Variants in ETV5 observed in about 807,000 individuals in gnomAD.
ETV5 encodes ETS translocation variant 5.
ETV5 carries 10 observed loss-of-function variants against 70.0 expected under a neutral mutation model. That is an observed-to-expected ratio of 0.14 (90% CI 0.09 to 0.24). The LOEUF is 0.24. Among genes scored for constraint, ETV5 ranks in the 10% least tolerant of loss-of-function variants. The probability of loss-of-function intolerance (pLI) is 1.00; values close to 1 mark genes in which losing one functional copy is unlikely to be tolerated. For missense variants in ETV5, 453 were observed against 651.2 expected (o/e 0.70, Z 3.31); for synonymous variants, 216 against 242.2 (o/e 0.89, Z 1.01).
At chr3:186,101,438 C>T (rs907189622) in intron 5 of ETV5, among the ~76,000 whole-genome samples, 1 of 151,518 alleles carries the variant, frequency 6.6e-6, no homozygotes, top group Admixed American at 6.6e-5. Flanking sequence ...CAGGTGTGAG[C>T]CTAAATATGT....
At chr3:186,088,370 T>A (rs1714106016) in intron 5 of ETV5, among the ~76,000 whole-genome samples, 1 of 152,208 alleles carries the variant, frequency 6.6e-6, no homozygotes, top group African/African-American at 2.4e-5. Context: ...ATGTGGAATG[T>A]ACACAAATAG....
intron 7 of ETV5, chr3:186,076,521 G>A (rs143581102): frequency 3.3e-5 from 6 of 182,526 alleles, no homozygotes; most frequent in African/African-American, 7.1e-5. Context: ...CAGGACTCCC[G>A]AGGGCAAGTG....
intron 7 of ETV5, among the ~76,000 whole-genome samples, chr3:186,071,535 G>C (rs1713634437): frequency 1.3e-5 from 2 of 152,218 alleles, no homozygotes; most frequent in Non-Finnish European, 2.9e-5. Flanking sequence ...AGGATACCTT[G>C]TAAAGATGAT....
rs1712901605 is a variant in ETV5, at chr3:186,047,234, A to C, written c.*1405T>G. On this transcript the variant is annotated 3_prime_UTR_variant, in exon 13 of 13. Coordinates refer to ENST00000306376, the MANE Select transcript of ETV5 (RefSeq NM_004454.3). ...CACATAGCTTTAGCTTGGTTGTTTA[A>C]AACTTTTCCAATATAATACAGCAAT... is the stretch of plus-strand genomic sequence containing the variant. The C allele has an allele frequency of 4.4e-6, 1 of 228,844 alleles. No homozygotes were observed. The highest frequency in any genetic ancestry group is 2.2e-5 in the African/African-American group (1 of 45,108). 14.2% of individuals were successfully genotyped at this position (228,844 alleles called of 1,614,324 possible).
intron 5 of ETV5, among the ~76,000 whole-genome samples, chr3:186,097,228 C>T (rs1488544181): frequency 7.0e-6 from 1 of 143,280 alleles, no homozygotes; most frequent in Non-Finnish European, 1.5e-5. Context: ...GAGGTTCCCC[C>T]ATTGCTCAGT....
rs1712910286 is a variant in ETV5, at chr3:186,047,577, C to T, written c.*1062G>A. The T allele has an allele frequency of 4.3e-6, 1 of 232,056 alleles. No individual in the cohort carries two copies. Among genetic ancestry groups the T allele is most frequent in the South Asian group, 1.8e-4 (1 of 5,532 alleles). 14.4% of individuals were successfully genotyped at this position (232,056 alleles called of 1,614,324 possible). Reference sequence around the variant, plus strand: ...ATACATAGAGAATCTAAGCTTGTGTCCAGGCTGCCCTGCACACTTCAAAAA... The same window carrying T: ...ATACATAGAGAATCTAAGCTTGTGTTCAGGCTGCCCTGCACACTTCAAAAA... On this transcript the variant is annotated 3_prime_UTR_variant, in exon 13 of 13. Transcript: ENST00000306376.
chr3:186,101,409 TC>T (rs1220453308), intron 5 of ETV5, among the ~76,000 whole-genome samples: 6 of 152,182 alleles, frequency 3.9e-5, no homozygotes, highest in Non-Finnish European at 7.3e-5. Context: ...CGACTTGGCC[TC>T]CTAAAGCACT....
chr3:186,082,428 CTTTTTTT>C (rs1003609474), intron 5 of ETV5, among the ~76,000 whole-genome samples: 15 of 139,726 alleles, frequency 1.1e-4, no homozygotes, highest in Non-Finnish European at 2.0e-4. Flanking sequence ...TCACTTTTCT[CTTTTTTT>C]TTTTTTTTTT....
At chr3:186,108,343 C>T in intron 1 of ETV5, 1 of 495,688 alleles carries the variant, frequency 2.0e-6, no homozygotes, top group Non-Finnish European at 3.8e-6. Flanking sequence ...CAGCCGGACG[C>T]CCTCAGCCTG....
At position 186,047,931 on chromosome 3, in the gene ETV5, C is replaced by T. The variant is rs926080173; in HGVS notation, c.*708G>A. On this transcript the variant is annotated 3_prime_UTR_variant, in exon 13 of 13. Transcript: ENST00000306376. ...AAATACTGTCAAAAGTGTTAATCGC[C>T]CTTCTCCTAAAATAAAAGTCATCCA... The T allele has an allele frequency of 4.3e-6, 1 of 233,376 alleles. No individual in the cohort carries two copies. The highest frequency in any genetic ancestry group is 8.5e-6 in the Non-Finnish European group (1 of 117,990). The allele number at this position is 233,376 out of a possible 1,614,324, so 14.5% of individuals were successfully genotyped here.
Position 186,048,526 on chromosome 3 carries a change from T to C in ETV5, c.*113A>G. 1.1e-6 allele frequency: 1 copy of C among 947,454 alleles called. No homozygotes were observed. The highest frequency in any genetic ancestry group is 1.6e-6 in the Non-Finnish European group (1 of 610,654). The allele number at this position is 947,454 out of a possible 1,614,324, so 58.7% of individuals were successfully genotyped here. A position where few individuals can be genotyped will look rare whatever the true frequency, so the allele number is the denominator to read the frequency against. On this transcript the variant is annotated 3_prime_UTR_variant, in exon 13 of 13. Coordinates refer to ENST00000306376, the MANE Select transcript of ETV5 (RefSeq NM_004454.3). ...GAGACAGCTTGGGTTCTCCAGATAA[T>C]ACTCAAAGGGCAAGCTTTAGGAACA...
In ETV5 at chr3:186,102,169, G is replaced by C. The variant is rs183428359; in HGVS notation, c.232+3136C>G. ...AGAAGTTGAACTTTTAGTGTTTAGA[G>C]AAAAAAAAAAGCCATAATCTTTAAA... On this transcript the variant is annotated intron_variant, in intron 5 of 12. Coordinates refer to ENST00000306376, the MANE Select transcript of ETV5 (RefSeq NM_004454.3). Among the ~76,000 whole-genome samples the C allele has an allele frequency of 4.3e-5, 6 of 140,628 alleles. 1 individual carries two copies. The South Asian group carries it at 1.3e-3, about 31-fold the overall frequency. The allele number at this position is 140,628 out of a possible 152,430, so 92.3% of individuals were successfully genotyped here. A position where few individuals can be genotyped will look rare whatever the true frequency, so the allele number is the denominator to read the frequency against.
At chr3:186,048,899 C>G (rs1277936551) in intron 12 of ETV5, 39 bp from the exon 13 acceptor site, 2 of 1,551,414 alleles carry the variant, frequency 1.3e-6, no homozygotes, top group African/African-American at 2.7e-5. Context: ...CCAGTTGGAA[C>G]AGGGCATGGG....
chr3:186,074,928 T>C (rs546043357), intron 7 of ETV5, among the ~76,000 whole-genome samples: 18 of 149,898 alleles, frequency 1.2e-4, no homozygotes, highest in Non-Finnish European at 1.8e-4. Flanking sequence ...GTTGGTTTCA[T>C]ATAAATCAGT....
At chr3:186,073,117 G>A (rs1284082493) in intron 7 of ETV5, among the ~76,000 whole-genome samples, 2 of 152,194 alleles carry the variant, frequency 1.3e-5, no homozygotes, top group Non-Finnish European at 2.9e-5. Flanking sequence ...GTGCGATGGA[G>A]TGAGACTCCG....
intron 7 of ETV5, 84 bp from the exon 8 acceptor site, chr3:186,066,156 AT>A: frequency 8.0e-7 from 1 of 1,251,072 alleles, no homozygotes; most frequent in Non-Finnish European, 1.1e-6. Flanking sequence ...AGAAGTTCCA[AT>A]TAATGAAATT....
At chr3:186,099,516 G>A (rs2150154490) in intron 5 of ETV5, among the ~76,000 whole-genome samples, 1 of 152,352 alleles carries the variant, frequency 6.6e-6, no homozygotes, top group Admixed American at 6.5e-5. Context: ...GTATGCCCGA[G>A]AGGGGGCTGT....
chr3:186,099,263 A>T (rs1382609202), intron 5 of ETV5, among the ~76,000 whole-genome samples: 21 of 151,376 alleles, frequency 1.4e-4, no homozygotes, highest in Non-Finnish European at 2.9e-5. Flanking sequence ...CCTTTAAGCC[A>T]AGCCTAGAGG....
chr3:186,105,206 C>T lies in ETV5; in HGVS notation c.232+99G>A. 1.0e-6 allele frequency: 1 copy of T among 979,120 alleles called. No homozygotes were observed. Among genetic ancestry groups the T allele is most frequent in the Non-Finnish European group, 1.6e-6 (1 of 640,034 alleles). The allele number at this position is 979,120 out of a possible 1,614,324, so 60.7% of individuals were successfully genotyped here. A position where few individuals can be genotyped will look rare whatever the true frequency, so the allele number is the denominator to read the frequency against. The stretch of plus-strand genomic sequence containing the variant: ...GAAGAAACTAAATGCATACTACTGT[C>T]TAAATCTGGCCATAGCTGAAAAAAG... On this transcript the variant is annotated intron_variant, in intron 5 of 12. Coordinates refer to ENST00000306376, the MANE Select transcript of ETV5 (RefSeq NM_004454.3). The surrounding 1 kb of genome is among the most constrained non-coding windows in gnomAD (Gnocchi z 4.5).
Sources: allele counts gnomAD v4.1 joint callset (sites outside exome capture counted in the v4.1 genomes callset), GRCh38; gene constraint gnomAD v4.1.1; non-coding constraint Gnocchi (gnomAD v3.1); transcripts MANE v1.5; gene names NCBI Gene and HGNC (gene_info 2026-07-23, HGNC 2026-07-21).